DEPDC4: variants seen among roughly 807,000 people sequenced by gnomAD.
DEPDC4 encodes DEP domain containing 4, also known as DEP domain-containing protein 4.
A neutral mutation model predicts 52.0 loss-of-function variants in DEPDC4; 52 were observed. That is an observed-to-expected ratio of 1.00 (90% CI 0.80 to 1.26). DEPDC4 has a LOEUF of 1.26. DEPDC4 is among the 50% of genes most tolerant of loss of function. The pLI is 0.00. For synonymous variants in DEPDC4, 201 were observed against 196.8 expected (o/e 1.02, Z -0.18); for missense variants, 530 against 546.9 (o/e 0.97, Z 0.31).
At chr12:100,262,767 C>T (rs2096258253) in intron 2 of DEPDC4, among the ~76,000 whole-genome samples, 1 of 152,012 alleles carries the variant, frequency 6.6e-6, no homozygotes, top group South Asian at 2.1e-4. Context: ...ATAGTTTTTC[C>T]TGGTATAAAC....
chr12:100,276,826 C>T, the DEPDC4 span, among the ~76,000 whole-genome samples: 1 of 151,740 alleles, frequency 6.6e-6, no homozygotes, highest in Non-Finnish European at 1.5e-5. Context: ...TTCTAGCTTC[C>T]TAAGGTGGAA....
the DEPDC4 span, among the ~76,000 whole-genome samples, chr12:100,278,080 A>G: frequency 6.6e-6 from 1 of 152,020 alleles, no homozygotes; most frequent in Non-Finnish European, 1.5e-5. Context: ...CATTTTTATT[A>G]TTTTTGCTTT....
At chr12:100,235,560 C>G (rs1431497016), downstream of DEPDC4, among the ~76,000 whole-genome samples, 1 of 151,288 alleles carries the variant, frequency 6.6e-6, no homozygotes, top group Non-Finnish European at 1.5e-5. Context: ...AGTCCCCAAA[C>G]TCCACTGTAT....
chr12:100,248,597 T>C (rs1484708988), intron 8 of DEPDC4, among the ~76,000 whole-genome samples: 2 of 151,868 alleles, frequency 1.3e-5, no homozygotes, highest in Non-Finnish European at 2.9e-5. Context: ...CAGAAGAAGA[T>C]ACAACAGAGA....
At chr12:100,272,952 T>C in the DEPDC4 span, among the ~76,000 whole-genome samples, 1 of 152,212 alleles carries the variant, frequency 6.6e-6, no homozygotes, top group Non-Finnish European at 1.5e-5. Context: ...CCATCTCTTC[T>C]CTATCTTCCT....
At chr12:100,271,603 G>T (rs2135788443), upstream of DEPDC4, among the ~76,000 whole-genome samples, 1 of 152,282 alleles carries the variant, frequency 6.6e-6, no homozygotes, top group South Asian at 2.1e-4. Flanking sequence ...TGTAGTCAGT[G>T]TCTATTATTT....
At chr12:100,255,801 A>G (rs542155289) in intron 4 of DEPDC4, 47 of 256,670 alleles carry the variant, frequency 1.8e-4, no homozygotes, top group Non-Finnish European at 3.2e-4. Flanking sequence ...AGAATTTTGG[A>G]TGATGCGGGG....
chr12:100,269,901 T>G (rs2096285576), upstream of DEPDC4, among the ~76,000 whole-genome samples: 1 of 152,218 alleles, frequency 6.6e-6, no homozygotes, highest in Non-Finnish European at 1.5e-5. Flanking sequence ...GTTATTTAGA[T>G]GTTCACCAGA....
chr12:100,251,914 G>A (rs952551058), intron 7 of DEPDC4, among the ~76,000 whole-genome samples: 8 of 152,010 alleles, frequency 5.3e-5, no homozygotes, highest in Non-Finnish European at 1.0e-4. Context: ...TGCCCAGGCT[G>A]GTCTCAAACT....
At chr12:100,255,221 C>A (rs555989166) in intron 4 of DEPDC4, among the ~76,000 whole-genome samples, 4 of 152,370 alleles carry the variant, frequency 2.6e-5, no homozygotes, top group African/African-American at 9.6e-5. Context: ...GCAGCGGCAC[C>A]TGCAGAAATC....
chr12:100,237,033 T>C (rs920971452), downstream of DEPDC4, among the ~76,000 whole-genome samples: 2 of 152,168 alleles, frequency 1.3e-5, no homozygotes, highest in Non-Finnish European at 2.9e-5. Context: ...TTCTGTTCCA[T>C]TGGTCTATGT....
At chr12:100,249,860 T>C (rs1264113899) in intron 7 of DEPDC4, among the ~76,000 whole-genome samples, 1 of 152,158 alleles carries the variant, frequency 6.6e-6, no homozygotes, top group African/African-American at 2.4e-5. Flanking sequence ...TACATTCTCA[T>C]AGGAGAGAAA....
chr12:100,233,798 A>T (rs533010983), intron 9 of DEPDC4, among the ~76,000 whole-genome samples: 28 of 152,360 alleles, frequency 1.8e-4, no homozygotes, highest in Non-Finnish European at 2.6e-4. Flanking sequence ...AAAGATTTCC[A>T]GGAAAAAGAT....
At position 100,243,788 on chromosome 12, in the gene DEPDC4, C is replaced by T. The variant is rs778773398; in HGVS notation, c.1454-1219G>A. Among the ~76,000 whole-genome samples the T allele has an allele frequency of 7.5e-4, 114 of 151,984 alleles. 3 individuals are homozygous for T. Among genetic ancestry groups the T allele is most frequent in the Non-Finnish European group, 2.8e-4 (19 of 67,996 alleles). On this transcript the variant is annotated intron_variant, in intron 8 of 9. Transcript: ENST00000550587. ...CATACATCCAGTCTTCATTTCTCTA[C>T]CCATTCTATCCTTCTCTTCCCACTG...
chr12:100,241,513 C>T lies in DEPDC4; in HGVS notation c.*379G>A. ...AGGAGTTCGAGACCAGCCTGGGCAACATAATAGGACCCCTGTCTCTACAAA... is the reference window on the plus strand; with the variant it reads ...AGGAGTTCGAGACCAGCCTGGGCAATATAATAGGACCCCTGTCTCTACAAA... On this transcript the variant is annotated 3_prime_UTR_variant, in exon 10 of 10. Coordinates refer to ENST00000550587, the MANE Select transcript of DEPDC4 (RefSeq NM_001364818.2). 2.6e-6 allele frequency: 1 copy of T among 381,446 alleles called. No homozygotes were observed. Among genetic ancestry groups the T allele is most frequent in the Non-Finnish European group, 3.9e-6 (1 of 257,496 alleles). The allele number at this position is 381,446 out of a possible 1,614,324, so 23.6% of individuals were successfully genotyped here.
chr12:100,235,575 C>T (rs1438865533), downstream of DEPDC4, among the ~76,000 whole-genome samples: 1 of 145,108 alleles, frequency 6.9e-6, no homozygotes, highest in Non-Finnish European at 1.5e-5. Context: ...CTGTATCATT[C>T]TTTTTTTTTT....
chr12:100,252,074 T>G, intron 7 of DEPDC4, 102 bp downstream of exon 7: 1 of 1,021,260 alleles, frequency 9.8e-7, no homozygotes, highest in Non-Finnish European at 1.2e-6. Context: ...ACTTTGCACA[T>G]TATAGGTACT....
chr12:100,264,627 T>A (rs1274201163), intron 1 of DEPDC4, among the ~76,000 whole-genome samples: 1 of 151,258 alleles, frequency 6.6e-6, no homozygotes, highest in African/African-American at 2.4e-5. Context: ...TGCAGTGAGC[T>A]GAAATCGCGC....
At chr12:100,260,921 C>T (rs1161286878) in intron 3 of DEPDC4, among the ~76,000 whole-genome samples, 1 of 151,780 alleles carries the variant, frequency 6.6e-6, no homozygotes, top group East Asian at 2.0e-4. Flanking sequence ...AGGCTCACGC[C>T]TGTAATCCCA....
Sources: allele counts gnomAD v4.1 joint callset (sites outside exome capture counted in the v4.1 genomes callset), GRCh38; gene constraint gnomAD v4.1.1; transcripts MANE v1.5; gene names NCBI Gene and HGNC (gene_info 2026-07-23, HGNC 2026-07-21).